The following DIAPH2 variants were observed in gnomAD, a reference collection of about 807,000 sequenced individuals.
DIAPH2 encodes protein diaphanous homolog 2.
DIAPH2 carries 35 observed loss-of-function variants against 92.7 expected under a neutral mutation model. That is an observed-to-expected ratio of 0.38 (90% CI 0.29 to 0.50). DIAPH2 has a LOEUF of 0.50. Among genes scored for constraint, DIAPH2 ranks in the 20% least tolerant of loss-of-function variants. DIAPH2 has a pLI of 0.94. For synonymous variants in DIAPH2, 301 were observed against 280.4 expected (o/e 1.07, Z -0.73); for missense variants, 701 against 819.5 (o/e 0.86, Z 1.77).
At chrX:97,120,089 A>G (rs2067045283) in intron 21 of DIAPH2, among the ~76,000 whole-genome samples, 1 of 111,601 alleles carries the variant, frequency 9.0e-6, no homozygotes, top group African/African-American at 3.3e-5. Context: ...AGTTGTTACA[A>G]AGATCAGCTG....
At chrX:97,204,872 C>G (rs2067783035) in intron 22 of DIAPH2, among the ~76,000 whole-genome samples, 3 of 111,493 alleles carry the variant, frequency 2.7e-5, no homozygotes, top group African/African-American at 9.8e-5. Flanking sequence ...CAAGACAATC[C>G]TGAGCAAAAA....
chrX:96,819,371 T>A (rs138157626), intron 4 of DIAPH2, among the ~76,000 whole-genome samples: 3 of 112,802 alleles, frequency 2.7e-5, no homozygotes, highest in Non-Finnish European at 5.6e-5. Flanking sequence ...TATATTTTTT[T>A]CTATTCCTGT....
intron 26 of DIAPH2, among the ~76,000 whole-genome samples, chrX:97,478,410 G>C (rs990893670): frequency 9.0e-6 from 1 of 111,428 alleles, no homozygotes; most frequent in Non-Finnish European, 1.9e-5. Context: ...CATGTTACTT[G>C]GTTTCTTTGA....
chrX:97,572,192 G>A (rs2071374566), intron 26 of DIAPH2, among the ~76,000 whole-genome samples: 1 of 110,242 alleles, frequency 9.1e-6, no homozygotes, highest in African/African-American at 3.3e-5. Context: ...ATTAGTGAAG[G>A]GAGGCAAGGG....
chrX:96,812,801 G>A (rs1310694339), intron 4 of DIAPH2, among the ~76,000 whole-genome samples: 2 of 111,768 alleles, frequency 1.8e-5, no homozygotes, highest in Non-Finnish European at 3.8e-5. Context: ...TCAGGAGCAG[G>A]TTGTTCAGTT....
chrX:97,449,559 C>A (rs959108316), intron 26 of DIAPH2: 11 of 304,988 alleles, frequency 3.6e-5, no homozygotes, highest in African/African-American at 2.9e-4. Flanking sequence ...GTGAAACTAC[C>A]GATGGTCATT....
At chrX:97,534,846 G>C (rs2071084586) in intron 26 of DIAPH2, among the ~76,000 whole-genome samples, 1 of 111,905 alleles carries the variant, frequency 8.9e-6, no homozygotes, top group Admixed American at 9.5e-5. Context: ...CATCATTAGA[G>C]ATAGTGATAA....
At chrX:97,415,689 A>C (rs1183206015) in intron 25 of DIAPH2, among the ~76,000 whole-genome samples, 2 of 71,410 alleles carry the variant, frequency 2.8e-5, no homozygotes, top group Non-Finnish European at 4.9e-5. Flanking sequence ...AACATCACAC[A>C]TGGGGGCGTG....
intron 4 of DIAPH2, among the ~76,000 whole-genome samples, chrX:96,819,219 C>A (rs966643604): frequency 6.2e-5 from 7 of 112,108 alleles, no homozygotes; most frequent in Non-Finnish European, 1.1e-4. Context: ...CCTATGAGCC[C>A]TTTTATTTGG....
intron 26 of DIAPH2, among the ~76,000 whole-genome samples, chrX:97,510,403 A>G (rs1480334892): frequency 3.6e-5 from 4 of 111,182 alleles, no homozygotes; most frequent in Non-Finnish European, 7.5e-5. Flanking sequence ...TAGATTCTGG[A>G]TATTAGCCCT....
Position 97,262,890 on chromosome X carries a change from G to A in DIAPH2, c.2844+15051G>A, listed in dbSNP as rs771933496. ...TTTGGAAGATGAGAAGAATTTTAAC[G>A]AAGGTGTAGGGGAACTTAAAAGGTA... On this transcript the variant is annotated intron_variant, in intron 23 of 26. Transcript: ENST00000324765. Among the ~76,000 whole-genome samples the A allele has an allele frequency of 8.0e-5, 9 of 112,113 alleles. No individual in the cohort carries two copies. In the South Asian group the frequency reaches 1.1e-3, roughly 14 times the overall value.
At chrX:97,001,803 G>A (rs940122579) in intron 17 of DIAPH2, among the ~76,000 whole-genome samples, 5 of 111,251 alleles carry the variant, frequency 4.5e-5, no homozygotes, top group Admixed American at 9.6e-5. Flanking sequence ...AAGGATTGTA[G>A]ATTATATCTG....
intron 24 of DIAPH2, among the ~76,000 whole-genome samples, chrX:97,364,455 A>G (rs1279792383): frequency 9.0e-6 from 1 of 111,596 alleles, no homozygotes; most frequent in Non-Finnish European, 1.9e-5. Flanking sequence ...ACTTTTTTAT[A>G]TATTGTCCCT....
At chrX:97,246,270 A>T (rs902171552) in intron 22 of DIAPH2, among the ~76,000 whole-genome samples, 3 of 111,174 alleles carry the variant, frequency 2.7e-5, no homozygotes, top group African/African-American at 9.8e-5. Flanking sequence ...GAATAATTGG[A>T]ATACAGCAGA....
At chrX:97,239,885 A>ACACACG (rs1222159346) in intron 22 of DIAPH2, among the ~76,000 whole-genome samples, 1 of 108,719 alleles carries the variant, frequency 9.2e-6, no homozygotes, top group Non-Finnish European at 1.9e-5. Context: ...TCTCACACAC[A>ACACACG]CACACGCACA....
At chrX:97,081,359 G>A (rs955725549) in intron 19 of DIAPH2, among the ~76,000 whole-genome samples, 4 of 110,576 alleles carry the variant, frequency 3.6e-5, no homozygotes, top group Non-Finnish European at 7.6e-5. Flanking sequence ...AAATGTTATC[G>A]CTGCTTATTT....
At position 96,945,507 on chromosome X, in the gene DIAPH2, C is replaced by G; in HGVS notation, c.1445-20C>G. 3 of 1,157,852 alleles carry G rather than the reference C, an allele frequency of 2.6e-6. No homozygotes were observed. Among genetic ancestry groups the G allele is most frequent in the Non-Finnish European group, 3.5e-6 (3 of 868,323 alleles). The stretch of plus-strand genomic sequence containing the variant: ...GATCTCATGCCATAATTTCGAATCA[C>G]TTTTGTTTGATCTTAATAGATTCTT... On this transcript the variant is annotated intron_variant, in intron 13 of 26. Transcript: ENST00000324765.
At chrX:97,105,901 A>AT (rs998402355) in intron 20 of DIAPH2, among the ~76,000 whole-genome samples, 7 of 111,577 alleles carry the variant, frequency 6.3e-5, no homozygotes, top group Admixed American at 4.8e-4. Flanking sequence ...GCACATTTAA[A>AT]TTTTTTTTAC....
chrX:97,576,739 C>CTT (rs1292195691), intron 26 of DIAPH2, among the ~76,000 whole-genome samples: 1 of 110,705 alleles, frequency 9.0e-6, no homozygotes, highest in Non-Finnish European at 1.9e-5. Flanking sequence ...AATTTTTATA[C>CTT]TTATAAAAAT....
Sources: gnomAD v4.1 joint callset for allele counts (sites outside exome capture counted in the v4.1 genomes callset) on GRCh38, gnomAD v4.1.1 for gene constraint, MANE v1.5 for transcripts, NCBI Gene and HGNC (gene_info 2026-07-23, HGNC 2026-07-21) for gene names.